PLAGL1: variants seen among roughly 807,000 people sequenced by gnomAD.
The protein encoded by PLAGL1 is PLAG1 like zinc finger 1, also known as zinc finger protein PLAGL1.
In PLAGL1, 1 loss-of-function variant was observed where a neutral mutation model predicts 4.6. The observed-to-expected ratio is 0.22, with a 90% confidence interval of 0.08 to 1.03. The LOEUF (loss-of-function observed/expected upper bound fraction) is 1.03. Ranked by LOEUF, PLAGL1 falls within the 50% of genes least tolerant of loss-of-function variation. The probability of loss-of-function intolerance (pLI) is 0.58; values close to 1 mark genes in which losing one functional copy is unlikely to be tolerated. For synonymous variants in PLAGL1, 240 were observed against 237.8 expected, an observed-to-expected ratio of 1.01 and a Z score of -0.08; for missense variants, 464 against 570.4, an observed-to-expected ratio of 0.81 and a Z score of 1.90.
intron 1 of PLAGL1, among the ~76,000 whole-genome samples, chr6:143,996,077 A>C (rs778108742): frequency 1.1e-4 from 17 of 152,126 alleles, no homozygotes; most frequent in Non-Finnish European, 2.2e-4. Flanking sequence ...TCGTGCTTTA[A>C]ATTTTCTTGA....
intron 1 of PLAGL1, among the ~76,000 whole-genome samples, chr6:144,028,511 A>G (rs17073300): frequency 0.17 from 26,571 of 152,176 alleles, 3,018 homozygotes; most frequent in African/African-American, 0.31. Context: ...TCAAATCACT[A>G]ATAATTTTAA....
intron 1 of PLAGL1, among the ~76,000 whole-genome samples, chr6:144,003,406 C>G (rs62427126): frequency 1.3e-5 from 2 of 152,130 alleles, no homozygotes; most frequent in Admixed American, 1.3e-4. Flanking sequence ...GGGTGGATCA[C>G]GAGGTCAGGA....
Position 143,941,414 on chromosome 6 carries a change from T to TA in PLAGL1, c.*9dup. The TA allele has an allele frequency of 1.3e-6, 2 of 1,492,828 alleles. No individual in the cohort carries two copies. Among genetic ancestry groups the TA allele is most frequent in the Non-Finnish European group, 8.9e-7 (1 of 1,120,896 alleles). 92.5% of individuals were successfully genotyped at this position (1,492,828 alleles called of 1,614,324 possible). The stretch of plus-strand genomic sequence containing the variant: ...CTTCCAGAATACGAAAAATACACTT[T>TA]AAAAATCAATTATCTGAATGCATGA... On this transcript the variant is annotated 3_prime_UTR_variant, in exon 8 of 8. Transcript: ENST00000674357. The surrounding 1 kb of genome is among the most constrained non-coding windows in gnomAD (Gnocchi z 6.0).
intron 1 of PLAGL1, among the ~76,000 whole-genome samples, chr6:143,993,329 AAAAC>A (rs776007070): frequency 1.5e-5 from 1 of 66,770 alleles, no homozygotes; most frequent in Non-Finnish European, 3.2e-5. Context: ...AAAACAAAAC[AAAAC>A]ACACACACAC....
chr6:144,026,535 TAG>T (rs1196727260), intron 1 of PLAGL1, among the ~76,000 whole-genome samples: 1 of 152,182 alleles, frequency 6.6e-6, no homozygotes, highest in East Asian at 1.9e-4. Flanking sequence ...CTATGAAATT[TAG>T]AGACCTGTGG....
Position 143,947,854 on chromosome 6 carries a change from T to G in PLAGL1, c.152+131A>C. The G allele has an allele frequency of 1.5e-6, 1 of 672,146 alleles. No homozygotes were observed. The allele number at this position is 672,146 out of a possible 1,614,324, so 41.6% of individuals were successfully genotyped here. The stretch of plus-strand genomic sequence containing the variant: ...CCACAGGAATCACTGGATGCAGATT[T>G]CAAGAATCCCTCAAAGGCTAAAATG... On this transcript the variant is annotated intron_variant, in intron 7 of 7. Transcript: ENST00000674357. This position sits in a 1 kb window ranked among gnomAD's most constrained non-coding sequence, Gnocchi z 4.3.
At chr6:144,029,695 C>T (rs534081592) in intron 1 of PLAGL1, among the ~76,000 whole-genome samples, 9 of 152,294 alleles carry the variant, frequency 5.9e-5, no homozygotes, top group African/African-American at 1.9e-4. Flanking sequence ...TATTGCTGAT[C>T]GGAGTAGAAA....
intron 2 of PLAGL1, among the ~76,000 whole-genome samples, chr6:143,977,467 C>CTTTTT (rs1786912556): frequency 2.4e-5 from 2 of 82,846 alleles, no homozygotes; most frequent in African/African-American, 4.4e-5. Context: ...TCTTCTTCTT[C>CTTTTT]TTCTTTTTTT....
upstream of PLAGL1, among the ~76,000 whole-genome samples, chr6:144,012,110 GT>G (rs775602281): frequency 2.8e-4 from 42 of 152,202 alleles, no homozygotes; most frequent in South Asian, 2.7e-3. This position sits in a 1 kb window ranked among gnomAD's most constrained non-coding sequence, Gnocchi z 4.8. Flanking sequence ...TGTTCTCTTT[GT>G]TTTTGCTATC....
rs548113364 is a variant in PLAGL1, at chr6:143,944,350, G to A, written c.153-1687C>T. ...GTTGAGTGGAGGCCCCCACCTAGAG[G>A]CCAACTGGAAGCCAGTTCAAAAAAT... On this transcript the variant is annotated intron_variant, in intron 7 of 7. Coordinates refer to ENST00000674357, the MANE Select transcript of PLAGL1 (RefSeq NM_001317162.2). 5.3e-5 allele frequency among the ~76,000 whole-genome samples: 8 copies of A among 152,144 alleles called. No homozygotes were observed. In the East Asian group the frequency reaches 1.5e-3, roughly 29 times the overall value.
rs1413312942 is a variant in PLAGL1 at position 144,059,603 on chromosome 6, C to T, written c.-151+4865G>A. 6.6e-6 allele frequency among the ~76,000 whole-genome samples: 1 copy of T among 152,160 alleles called. No homozygotes were observed. Among genetic ancestry groups the T allele is most frequent in the Non-Finnish European group, 1.5e-5 (1 of 68,020 alleles). On this transcript the variant is annotated intron_variant, in intron 1 of 3. Coordinates refer to the PLAGL1 transcript ENST00000437412. The surrounding 1 kb of genome is among the most constrained non-coding windows in gnomAD (Gnocchi z 4.9). ...GCCCTAACTCTAATTGTAACTTTCCCAGATATTTTTAATATATTTAGGAAA... is the reference window on the plus strand; with the variant it reads ...GCCCTAACTCTAATTGTAACTTTCCTAGATATTTTTAATATATTTAGGAAA...
intron 1 of PLAGL1, among the ~76,000 whole-genome samples, chr6:144,041,804 G>T (rs1021419487): frequency 2.6e-5 from 4 of 152,106 alleles, no homozygotes; most frequent in Non-Finnish European, 5.9e-5. Context: ...TCCCAACAAT[G>T]GCATAAAAGC....
At chr6:144,014,170 A>G (rs1318241209) in intron 1 of PLAGL1, among the ~76,000 whole-genome samples, 2 of 152,130 alleles carry the variant, frequency 1.3e-5, no homozygotes, top group African/African-American at 4.8e-5. Context: ...GGTGGCTCAC[A>G]CCTGTATCCC....
rs1268214927 is a variant in PLAGL1 at position 144,016,847 on chromosome 6, G to A, written c.-151+47621C>T. Among the ~76,000 whole-genome samples the A allele has an allele frequency of 6.6e-6, 1 of 152,144 alleles. No homozygotes were observed. Among genetic ancestry groups the A allele is most frequent in the Non-Finnish European group, 1.5e-5 (1 of 68,032 alleles). ...GAGATTGGTTTTATCTCTATTACCA[G>A]CAATTTGAATTAGAATTGACCTTCT... On this transcript the variant is annotated intron_variant, in intron 1 of 3. Coordinates refer to the PLAGL1 transcript ENST00000437412. The surrounding 1 kb of genome is among the most constrained non-coding windows in gnomAD (Gnocchi z 4.2).
Position 143,997,539 on chromosome 6 carries a change from G to A in PLAGL1, c.-584+10551C>T, listed in dbSNP as rs1479386397. Among the ~76,000 whole-genome samples the A allele has an allele frequency of 1.3e-5, 2 of 152,120 alleles. No individual in the cohort carries two copies. The highest frequency in any genetic ancestry group is 1.9e-4 in the East Asian group (1 of 5,198). ...GACACAAAAGAGTACATCCTGTTTG[G>A]TTATACTTAAAATTCAAGAATAGAC... On this transcript the variant is annotated intron_variant, in intron 1 of 7. Coordinates refer to ENST00000674357, the MANE Select transcript of PLAGL1 (RefSeq NM_001317162.2). This position sits in a 1 kb window ranked among gnomAD's most constrained non-coding sequence, Gnocchi z 4.6.
At chr6:144,062,470 CAA>C (rs543521128) in intron 1 of PLAGL1, among the ~76,000 whole-genome samples, 9,896 of 75,758 alleles carry the variant, frequency 0.13, 217 homozygotes, top group East Asian at 0.21. Context: ...GTTATCAGAC[CAA>C]AAAAAAAAAA....
At chr6:144,002,692 A>T (rs2328539) in intron 1 of PLAGL1, among the ~76,000 whole-genome samples, 57,165 of 151,852 alleles carry the variant, frequency 0.38, 10,864 homozygotes, top group Non-Finnish European at 0.42. Context: ...CAACAGCATC[A>T]AAAAAACATT....
At position 143,975,982 on chromosome 6, in the gene PLAGL1, T is replaced by C. The variant is rs1786430706; in HGVS notation, c.-543-7004A>G. ...AGAACTAACACATATCTTACTTCGT[T>C]GACCCTCACATTACTAAGAGAAAAC... On this transcript the variant is annotated intron_variant, in intron 2 of 7. Coordinates refer to ENST00000674357, the MANE Select transcript of PLAGL1 (RefSeq NM_001317162.2). The surrounding 1 kb of genome is among the most constrained non-coding windows in gnomAD (Gnocchi z 5.8). Among the ~76,000 whole-genome samples the C allele has an allele frequency of 6.6e-6, 1 of 152,220 alleles. No homozygotes were observed. Among genetic ancestry groups the C allele is most frequent in the Non-Finnish European group, 1.5e-5 (1 of 68,046 alleles).
intron 1 of PLAGL1, among the ~76,000 whole-genome samples, chr6:144,038,083 G>T (rs1209550742): frequency 6.6e-6 from 1 of 152,204 alleles, no homozygotes; most frequent in African/African-American, 2.4e-5. Context: ...TCAGATGGAG[G>T]ATAGTAATAG....
Sources: gnomAD v4.1 joint callset for allele counts (sites outside exome capture counted in the v4.1 genomes callset) on GRCh38, gnomAD v4.1.1 for gene constraint, Gnocchi (gnomAD v3.1) non-coding constraint, MANE v1.5 for transcripts, NCBI Gene and HGNC (gene_info 2026-07-23, HGNC 2026-07-21) for gene names.